FBL: variants seen among roughly 807,000 people sequenced by gnomAD.
The protein encoded by FBL is rRNA 2'-O-methyltransferase fibrillarin.
Under a neutral mutation model 42.2 loss-of-function variants are expected in FBL, and 10 were observed. That is an observed-to-expected ratio of 0.24 (90% confidence interval 0.15 to 0.40). FBL has a LOEUF of 0.40. Ranked by LOEUF, FBL falls within the 10% of genes least tolerant of loss-of-function variation. The pLI, the probability that FBL is intolerant of heterozygous loss-of-function variation, is 1.00. For missense variants in FBL, 351 were observed against 439.2 expected (o/e 0.80, Z 1.79); for synonymous variants, 165 against 165.4 (o/e 1.00, Z 0.02).
intron 1 of FBL, among the ~76,000 whole-genome samples, chr19:39,845,961 G>A (rs149735145): frequency 1.1e-3 from 173 of 152,268 alleles, no homozygotes; most frequent in Middle Eastern, 3.4e-3. Flanking sequence ...GACTCCAGAT[G>A]CCTGAATCCA....
At chr19:39,844,921 G>A (rs921804558) in intron 1 of FBL, among the ~76,000 whole-genome samples, 1 of 152,182 alleles carries the variant, frequency 6.6e-6, no homozygotes, top group Non-Finnish European at 1.5e-5. Context: ...ACCACACATG[G>A]AGGAAGGTTG....
At position 39,839,041 on chromosome 19, in the gene FBL, A is replaced by G. The variant is rs760249779; in HGVS notation, c.543T>C (p.Val181=). 1.9e-6 allele frequency: 3 copies of G among 1,610,720 alleles called. No homozygotes were observed. The South Asian group carries it at 3.3e-5, about 18-fold the overall frequency. The part of the protein sequence containing the change: ...GTTVSHVSDI[V]GPDGLVYAVE... ...TCTCCATCTACTCACTCACCGGACCAACGATGTCAGAGACATGGGAGACCG... is the reference window on the plus strand; with the variant it reads ...TCTCCATCTACTCACTCACCGGACCGACGATGTCAGAGACATGGGAGACCG... The change falls in exon 5 of 9, where the codon GTT becomes GTC. Residue 181 remains valine, a synonymous_variant. Coordinates refer to ENST00000221801, the MANE Select transcript of FBL (RefSeq NM_001436.4).
chr19:39,837,514 G>T lies in FBL; in HGVS notation c.682+197C>A, dbSNP rs1309521001. 1.3e-5 allele frequency among the ~76,000 whole-genome samples: 2 copies of T among 152,156 alleles called. 1 individual carries two copies. The highest frequency in any genetic ancestry group is 1.3e-4 in the Admixed American group (2 of 15,272). Reference sequence around the variant, plus strand: ...GAAGGAGAAGAGGTTGGCCCTCCAAGGGTGGCTTCCAAGACTCTGAAGCCA... The same window carrying T: ...GAAGGAGAAGAGGTTGGCCCTCCAATGGTGGCTTCCAAGACTCTGAAGCCA... On this transcript the variant is annotated intron_variant, in intron 6 of 8. Transcript: ENST00000221801.
rs199915708 is a variant in FBL, at chr19:39,846,318, G to A, written c.-18C>T. On this transcript the variant is annotated 5_prime_UTR_variant, in exon 1 of 9. Coordinates refer to ENST00000221801, the MANE Select transcript of FBL (RefSeq NM_001436.4). ...GGCTTCATGGCGAGCCCTGGTTTGT[G>A]CGGCTCCGGAGTCCGCGGCGTTCAC... is the stretch of plus-strand genomic sequence containing the variant. 1.4e-5 allele frequency: 23 copies of A among 1,613,328 alleles called. No homozygotes were observed. Among genetic ancestry groups the A allele is most frequent in the Non-Finnish European group, 1.9e-5 (23 of 1,179,732 alleles).
intron 1 of FBL, among the ~76,000 whole-genome samples, chr19:39,843,577 C>T (rs576115490): frequency 4.3e-4 from 66 of 152,284 alleles, no homozygotes; most frequent in Admixed American, 1.6e-3. Context: ...CAAGACCAGC[C>T]TGGCCAACAT....
At chr19:39,835,376 G>A (rs973916487) in intron 7 of FBL, among the ~76,000 whole-genome samples, 1 of 152,032 alleles carries the variant, frequency 6.6e-6, no homozygotes. Flanking sequence ...AAAATTAGTC[G>A]GGTGTGGTGG....
At chr19:39,841,249 G>T (rs1228208356) in intron 1 of FBL, among the ~76,000 whole-genome samples, 1 of 151,918 alleles carries the variant, frequency 6.6e-6, no homozygotes, top group Non-Finnish European at 1.5e-5. Context: ...AGAGATGGGG[G>T]TCTCACTATG....
In FBL at chr19:39,834,682, G is replaced by A; in HGVS notation, c.927C>T (p.Val309=). ...CCCCTGCTCACCTGTACACTCCCAC[G>A]ACCACGGCATGGTCTCTTTCATATG... ...LEPYERDHAV[V]VGVYRPPPKV... is the part of the protein sequence containing the mutation. Residue 309 remains valine (V), a synonymous_variant, in exon 8 of 9, where the codon GTC becomes GTT. Transcript: ENST00000221801. 1.2e-6 allele frequency: 2 copies of A among 1,614,138 alleles called. No individual in the cohort carries two copies. The highest frequency in any genetic ancestry group is 2.2e-5 in the East Asian group (1 of 44,886).
In FBL at chr19:39,839,022, T is replaced by A. The variant is rs1170887835; in HGVS notation, c.549+13A>T. 3 of 1,603,516 alleles carry A rather than the reference T, an allele frequency of 1.9e-6. No individual in the cohort carries two copies. Among genetic ancestry groups the A allele is most frequent in the Non-Finnish European group, 2.6e-6 (3 of 1,174,818 alleles). On this transcript the variant is annotated intron_variant, in intron 5 of 8. Coordinates refer to ENST00000221801, the MANE Select transcript of FBL (RefSeq NM_001436.4). ...CCTTTACCTCCTGCCTGACTCTCCA[T>A]CTACTCACTCACCGGACCAACGATG...
intron 1 of FBL, among the ~76,000 whole-genome samples, chr19:39,846,047 G>A (rs1012549633): frequency 6.6e-6 from 1 of 152,118 alleles, no homozygotes. Context: ...TCAATGAGAC[G>A]AACCCCACGT....
In FBL at chr19:39,840,220, G is replaced by A; in HGVS notation, c.378+13C>T. The A allele has an allele frequency of 6.2e-7, 1 of 1,604,866 alleles. No homozygotes were observed. Among genetic ancestry groups the A allele is most frequent in the Non-Finnish European group, 8.5e-7 (1 of 1,172,106 alleles). On this transcript the variant is annotated intron_variant, in intron 4 of 8. Coordinates refer to ENST00000221801, the MANE Select transcript of FBL (RefSeq NM_001436.4). The surrounding 1 kb of genome is among the most constrained non-coding windows in gnomAD (Gnocchi z 4.5). ...TGCGACCCTGGTGGCTTGGACAGGG[G>A]CCCAGTTCTCACCGAAATCGAGACT...
In FBL at chr19:39,834,766, G is replaced by A. The variant is rs142192723; in HGVS notation, c.843C>T (p.Ser281=). 25 of 1,614,010 alleles carry A rather than the reference G, an allele frequency of 1.5e-5. No individual in the cohort carries two copies. The highest frequency in any genetic ancestry group is 1.1e-4 in the East Asian group (5 of 44,890). ...STASAEAVFA[S]EVKKMQQENM... ...TCTCCTGTTGCATCTTTTTCACTTC[G>A]GAGGCAAACACGGCCTCGGCTGAGG... Residue 281 remains serine (S), a synonymous_variant, in exon 8 of 9, where the codon TCC becomes TCT. Coordinates refer to ENST00000221801, the MANE Select transcript of FBL (RefSeq NM_001436.4).
At chr19:39,846,208 G>T in intron 1 of FBL, 83 bp downstream of exon 1, 5 of 1,528,214 alleles carry the variant, frequency 3.3e-6, no homozygotes, top group Non-Finnish European at 4.5e-6. Context: ...CCAGGCCAAG[G>T]CCCCACCCCT....
intron 1 of FBL, among the ~76,000 whole-genome samples, chr19:39,843,576 C>T (rs952963605): frequency 3.7e-4 from 56 of 152,152 alleles, no homozygotes; most frequent in African/African-American, 1.3e-3. Flanking sequence ...TCAAGACCAG[C>T]CTGGCCAACA....
intron 6 of FBL, 145 bp downstream of exon 6, chr19:39,837,566 G>A: frequency 1.4e-6 from 1 of 733,008 alleles, no homozygotes; most frequent in South Asian, 2.5e-5. Context: ...ACCTCACCTA[G>A]CTCCCCTTAC....
intron 1 of FBL, among the ~76,000 whole-genome samples, chr19:39,843,627 T>G (rs191089477): frequency 6.6e-6 from 1 of 152,112 alleles, no homozygotes; most frequent in Non-Finnish European, 1.5e-5. Flanking sequence ...AAAAATTAGC[T>G]GGGCGTGGTG....
intron 1 of FBL, among the ~76,000 whole-genome samples, chr19:39,843,394 T>C (rs1323632905): frequency 2.0e-5 from 3 of 152,172 alleles, no homozygotes; most frequent in African/African-American, 4.8e-5. Flanking sequence ...TATGGAGAGA[T>C]AGGCAATGTT....
At chr19:39,843,270 C>T (rs1969194310) in intron 1 of FBL, among the ~76,000 whole-genome samples, 1 of 152,202 alleles carries the variant, frequency 6.6e-6, no homozygotes, top group Admixed American at 6.5e-5. Context: ...GAGCTGATGA[C>T]TCTTAAACCC....
chr19:39,837,338 G>GC (rs1338722532), intron 6 of FBL, among the ~76,000 whole-genome samples: 1 of 152,050 alleles, frequency 6.6e-6, no homozygotes, highest in African/African-American at 2.4e-5. Flanking sequence ...TTCACAGTGG[G>GC]CCCCTCCAGA....
Sources: gnomAD v4.1 joint callset for allele counts (sites outside exome capture counted in the v4.1 genomes callset) on GRCh38, gnomAD v4.1.1 for gene constraint, Gnocchi (gnomAD v3.1) non-coding constraint, MANE v1.5 for transcripts, NCBI Gene and HGNC (gene_info 2026-07-23, HGNC 2026-07-21) for gene names.